The following SMAP1 variants were observed in gnomAD, a reference collection of about 807,000 sequenced individuals.
SMAP1 encodes the protein stromal membrane-associated protein 1.
SMAP1 carries 24 observed loss-of-function variants against 58.5 expected under a neutral mutation model. The observed-to-expected ratio is 0.41, with a 90% CI of 0.30 to 0.58. The LOEUF is 0.58. Among genes scored for constraint, SMAP1 ranks in the 20% least tolerant of loss-of-function variants. The pLI is 0.29. For synonymous variants in SMAP1, 216 were observed against 196.6 expected (o/e 1.10, Z -0.82); for missense variants, 563 against 566.3 (o/e 0.99, Z 0.06).
intron 2 of SMAP1, among the ~76,000 whole-genome samples, chr6:70,746,700 G>A (rs917635269): frequency 5.3e-5 from 8 of 152,148 alleles, no homozygotes; most frequent in African/African-American, 1.7e-4. Flanking sequence ...ATGAGTTAGG[G>A]GCGATTCCTT....
chr6:70,696,260 G>A (rs1294754512), intron 1 of SMAP1, among the ~76,000 whole-genome samples: 2 of 151,808 alleles, frequency 1.3e-5, no homozygotes, highest in Middle Eastern at 3.2e-3. Context: ...TTTCTACTCT[G>A]ATATTTATTA....
chr6:70,816,825 G>T (rs1038201454), intron 6 of SMAP1, among the ~76,000 whole-genome samples: 1 of 152,032 alleles, frequency 6.6e-6, no homozygotes, highest in African/African-American at 2.4e-5. Flanking sequence ...TCTCCTAGAA[G>T]ATTTTTTAAA....
At chr6:70,776,109 C>T (rs1454663353) in intron 4 of SMAP1, among the ~76,000 whole-genome samples, 1 of 152,094 alleles carries the variant, frequency 6.6e-6, no homozygotes, top group Non-Finnish European at 1.5e-5. Context: ...ATATAAGTAC[C>T]TTATATCTAA....
rs936728097 is a variant in SMAP1, at chr6:70,787,993, G to T, written c.415-3696G>T. On this transcript the variant is annotated intron_variant, in intron 4 of 10. Transcript: ENST00000370455. ...ATAAATCGTGCTACTATAAAGACAC[G>T]TGCCCACGTATGTTTATTGTGGCAC... 3.9e-4 allele frequency among the ~76,000 whole-genome samples: 60 copies of T among 152,002 alleles called. 1 individual carries two copies. Among genetic ancestry groups the T allele is most frequent in the Non-Finnish European group, 8.4e-4 (57 of 68,008 alleles).
Position 70,859,573 on chromosome 6 carries a change from G to A in SMAP1, c.1270-627G>A, listed in dbSNP as rs1324886814. 3 of 463,772 alleles carry A rather than the reference G, an allele frequency of 6.5e-6. No individual in the cohort carries two copies. In the East Asian group the frequency reaches 1.1e-4, roughly 17 times the overall value. 28.7% of individuals were successfully genotyped at this position (463,772 alleles called of 1,614,324 possible). A position where few individuals can be genotyped will look rare whatever the true frequency, so the allele number is the denominator to read the frequency against. On this transcript the variant is annotated intron_variant, in intron 10 of 10. Transcript: ENST00000370455. The stretch of plus-strand genomic sequence containing the variant: ...AAGTTTTAAACCCACTCACTATATG[G>A]TAAATCTTGCCTTTCCTTCTCTTAT...
intron 3 of SMAP1, among the ~76,000 whole-genome samples, chr6:70,764,079 A>ATT (rs796149089): frequency 1.0e-4 from 15 of 142,980 alleles, no homozygotes; most frequent in Admixed American, 3.5e-4. Flanking sequence ...TGCCCAGCTA[A>ATT]TTTTTTTTTT....
At chr6:70,675,836 G>T (rs531754678) in intron 1 of SMAP1, among the ~76,000 whole-genome samples, 1 of 152,240 alleles carries the variant, frequency 6.6e-6, no homozygotes, top group East Asian at 1.9e-4. Flanking sequence ...GGGGAATCTT[G>T]GGGATGGTCC....
chr6:70,703,896 T>G (rs1433425272), intron 1 of SMAP1, among the ~76,000 whole-genome samples: 1 of 152,178 alleles, frequency 6.6e-6, no homozygotes, highest in Admixed American at 6.5e-5. Context: ...CTAGACACTT[T>G]CCCTGGACAG....
intron 2 of SMAP1, among the ~76,000 whole-genome samples, chr6:70,742,554 G>A (rs1562127644): frequency 6.6e-6 from 1 of 152,130 alleles, no homozygotes. Context: ...TCTCTAGGAA[G>A]CTCCAAATGT....
At chr6:70,738,457 GA>G (rs11306206) in intron 2 of SMAP1, among the ~76,000 whole-genome samples, 66,423 of 132,744 alleles carry the variant, frequency 0.5, 15,205 homozygotes, top group Non-Finnish European at 0.55. Flanking sequence ...TTTCTATTAA[GA>G]AAAAAAAAAA....
At chr6:70,766,190 G>A (rs1157100573) in intron 3 of SMAP1, among the ~76,000 whole-genome samples, 2 of 152,070 alleles carry the variant, frequency 1.3e-5, no homozygotes, top group East Asian at 1.9e-4. Context: ...ATTGTGAATA[G>A]TGCCACAATA....
intron 1 of SMAP1, among the ~76,000 whole-genome samples, chr6:70,696,635 A>G (rs1767416802): frequency 6.6e-6 from 1 of 152,128 alleles, no homozygotes; most frequent in Non-Finnish European, 1.5e-5. Context: ...AATTTTTTGA[A>G]TTTTAAGAGT....
chr6:70,764,600 C>T (rs1427364187), intron 3 of SMAP1, among the ~76,000 whole-genome samples: 2 of 152,212 alleles, frequency 1.3e-5, no homozygotes, highest in Non-Finnish European at 2.9e-5. Flanking sequence ...CTGTTTACAG[C>T]ATGGTTTACT....
At chr6:70,764,161 C>A (rs913699373) in intron 3 of SMAP1, among the ~76,000 whole-genome samples, 9 of 151,938 alleles carry the variant, frequency 5.9e-5, no homozygotes, top group African/African-American at 9.7e-5. Flanking sequence ...ATCCTCCTGC[C>A]TTACCCTCTC....
chr6:70,859,423 A>C, intron 10 of SMAP1: 1 of 1,528,614 alleles, frequency 6.5e-7, no homozygotes, highest in Non-Finnish European at 8.9e-7. Context: ...GTAGGTATGA[A>C]GACGTGATCT....
At chr6:70,715,086 CTTTTTTTTTT>C (rs79570681) in intron 1 of SMAP1, among the ~76,000 whole-genome samples, 2 of 117,414 alleles carry the variant, frequency 1.7e-5, no homozygotes, top group Non-Finnish European at 3.4e-5. Context: ...GTGTGGGTTT[CTTTTTTTTTT>C]TTTTTCCTTT....
chr6:70,784,225 T>A (rs1221275130), intron 4 of SMAP1, among the ~76,000 whole-genome samples: 1 of 152,028 alleles, frequency 6.6e-6, no homozygotes, highest in African/African-American at 2.4e-5. Context: ...GAAGGAGAAA[T>A]AAAATCCTTT....
rs75651615 is a variant in SMAP1 at position 70,709,623 on chromosome 6, A to G, written c.119-22755A>G. ...AGGTGTGAGCCACTGCACCCATCCT[A>G]TAATATGATTTGAAATCAAGAAGTG... On this transcript the variant is annotated intron_variant, in intron 1 of 10. Coordinates refer to ENST00000370455, the MANE Select transcript of SMAP1 (RefSeq NM_001044305.3). 5.3e-3 allele frequency among the ~76,000 whole-genome samples: 800 copies of G among 152,310 alleles called. 7 individuals carry two copies. The highest frequency in any genetic ancestry group is 0.018 in the African/African-American group (768 of 41,574).
At chr6:70,753,644 A>G (rs1341179091) in intron 2 of SMAP1, among the ~76,000 whole-genome samples, 1 of 152,128 alleles carries the variant, frequency 6.6e-6, no homozygotes, top group Non-Finnish European at 1.5e-5. Context: ...TCATGCTAGT[A>G]GCCACTGTGA....
Sources: gnomAD v4.1 joint callset for allele counts (sites outside exome capture counted in the v4.1 genomes callset) on GRCh38, gnomAD v4.1.1 for gene constraint, MANE v1.5 for transcripts, NCBI Gene and HGNC (gene_info 2026-07-23, HGNC 2026-07-21) for gene names.